Variants in NIM1K observed in about 807,000 individuals in gnomAD.
NIM1K encodes serine/threonine-protein kinase NIM1.
A neutral mutation model predicts 37.1 loss-of-function variants in NIM1K; 35 were observed. The ratio of observed to expected loss-of-function variants is 0.94; its 90% CI spans 0.72 to 1.25. NIM1K has a LOEUF of 1.25. Ranked by LOEUF, NIM1K falls within the 50% of genes most tolerant of loss-of-function variation. NIM1K has a pLI of 0.00. For missense variants in NIM1K, 564 were observed against 548.0 expected (o/e 1.03, Z -0.29); for synonymous variants, 234 against 206.6 (o/e 1.13, Z -1.14).
At chr5:43,216,762 G>C (rs927033274) in intron 1 of NIM1K, among the ~76,000 whole-genome samples, 4 of 152,164 alleles carry the variant, frequency 2.6e-5, no homozygotes, top group Non-Finnish European at 1.5e-5. Context: ...GGAGATAGTT[G>C]TTGAGAATGT....
intron 1 of NIM1K, among the ~76,000 whole-genome samples, chr5:43,203,023 T>C (rs2444779): frequency 0.29 from 44,781 of 151,962 alleles, 7,232 homozygotes; most frequent in East Asian, 0.67. Context: ...AGCCTTTCGA[T>C]GACTGTTTTG....
chr5:43,217,691 A>C (rs1015715758), intron 1 of NIM1K, among the ~76,000 whole-genome samples: 1 of 143,716 alleles, frequency 7.0e-6, no homozygotes, highest in South Asian at 2.2e-4. Flanking sequence ...AGAAATGTCT[A>C]TTCAGATCCT....
At chr5:43,277,364 C>T (rs760861501) in intron 3 of NIM1K, 39 bp downstream of exon 3, 2 of 1,588,874 alleles carry the variant, frequency 1.3e-6, no homozygotes, top group African/African-American at 1.3e-5. Context: ...GCTCCCATTG[C>T]ACTGACACTG....
chr5:43,246,181 C>T, intron 2 of NIM1K, 114 bp downstream of exon 2: 2 of 827,174 alleles, frequency 2.4e-6, no homozygotes, highest in Non-Finnish European at 3.7e-6. Flanking sequence ...AGAGCCCCTG[C>T]AAGGCCCACA....
intron 1 of NIM1K, among the ~76,000 whole-genome samples, chr5:43,227,126 C>T (rs1165728411): frequency 2.6e-5 from 4 of 152,070 alleles, no homozygotes; most frequent in African/African-American, 4.8e-5. Context: ...TTTGAGAGGC[C>T]GAGGAAGGCG....
intron 1 of NIM1K, among the ~76,000 whole-genome samples, chr5:43,217,868 T>C (rs546703106): frequency 6.6e-6 from 1 of 152,070 alleles, no homozygotes; most frequent in African/African-American, 2.4e-5. Context: ...TGTGCCACCA[T>C]GACTGGCTAA....
At chr5:43,213,178 TTTC>T in intron 1 of NIM1K, among the ~76,000 whole-genome samples, 1 of 75,474 alleles carries the variant, frequency 1.3e-5, no homozygotes, top group Non-Finnish European at 2.9e-5. Context: ...TCTTTCTTTC[TTTC>T]TTTCTTTCTT....
chr5:43,254,241 A>G (rs529076403), intron 2 of NIM1K, among the ~76,000 whole-genome samples: 2 of 152,326 alleles, frequency 1.3e-5, no homozygotes, highest in East Asian at 3.9e-4. Context: ...GGAAGAATTG[A>G]CGATGACTCC....
chr5:43,243,321 T>C (rs1752730978), intron 1 of NIM1K, among the ~76,000 whole-genome samples: 1 of 152,240 alleles, frequency 6.6e-6, no homozygotes, highest in East Asian at 1.9e-4. Context: ...TAGTCTGTCA[T>C]AAGCTGCATG....
chr5:43,193,373 C>T (rs1751862028), intron 1 of NIM1K: 1 of 150,338 alleles, frequency 6.7e-6, no homozygotes, highest in Admixed American at 6.7e-5. Context: ...CTCCCTTTCT[C>T]CCTTTCTCCT....
chr5:43,207,781 G>A, intron 1 of NIM1K: 1 of 441,172 alleles, frequency 2.3e-6, no homozygotes, highest in East Asian at 5.2e-5. Context: ...TGTGGGTATT[G>A]TACACTCTTT....
At chr5:43,206,600 G>A in intron 1 of NIM1K, 1 of 606,046 alleles carries the variant, frequency 1.7e-6, no homozygotes, top group East Asian at 3.0e-5. Context: ...ACGAGCAAGT[G>A]CTAGTCCTGG....
At chr5:43,259,016 T>C (rs936163998) in intron 2 of NIM1K, among the ~76,000 whole-genome samples, 5 of 152,110 alleles carry the variant, frequency 3.3e-5, no homozygotes, top group African/African-American at 1.2e-4. Flanking sequence ...AGTATTTGAT[T>C]TTCCATTCCT....
At chr5:43,249,420 C>A (rs758767572) in intron 2 of NIM1K, among the ~76,000 whole-genome samples, 1 of 152,116 alleles carries the variant, frequency 6.6e-6, no homozygotes. Context: ...AACACCTGCA[C>A]GACACACCCA....
chr5:43,235,779 AG>A (rs1752612141), intron 1 of NIM1K, among the ~76,000 whole-genome samples: 1 of 152,050 alleles, frequency 6.6e-6, no homozygotes, highest in Admixed American at 6.5e-5. Context: ...AATATCTAAG[AG>A]GGGTATAATG....
At position 43,199,205 on chromosome 5, in the gene NIM1K, ATATATATATATATAT is replaced by A. The variant is rs1352260381; in HGVS notation, c.-695+6795_-695+6809del. Among the ~76,000 whole-genome samples the A allele has an allele frequency of 3.4e-4, 20 of 59,492 alleles. 2 individuals are homozygous for A. The highest frequency in any genetic ancestry group is 1.2e-3 in the Admixed American group (4 of 3,322). 39.0% of individuals were successfully genotyped at this position (59,492 alleles called of 152,430 possible). On this transcript the variant is annotated intron_variant, in intron 1 of 3. Coordinates refer to ENST00000326035, the MANE Select transcript of NIM1K (RefSeq NM_153361.4). The stretch of plus-strand genomic sequence containing the variant: ...CTCTGTCTCCAAAAAAAAAAAAAAA[ATATATATATATATAT>A]ATATATATATATATATATGAAAAAT...
chr5:43,245,836 C>G lies in NIM1K; in HGVS notation c.61C>G (p.Arg21Gly), dbSNP rs55664335. The G allele has an allele frequency of 1.7e-5, 27 of 1,613,466 alleles. No homozygotes were observed. The highest frequency in any genetic ancestry group is 2.7e-5 in the African/African-American group (2 of 74,862). The change falls in exon 2 of 4, where the codon CGG becomes GGG. Residue 21 changes from arginine to glycine, a missense_variant. By Grantham distance (125) the Arg-to-Gly change is moderately radical. Coordinates refer to ENST00000326035, the MANE Select transcript of NIM1K (RefSeq NM_153361.4). ...LVNPHYARWDRRDSVESGCQT... is the reference protein window; with the variant it reads ...LVNPHYARWDGRDSVESGCQT... ...GAACCCCCACTATGCCCGGTGGGAT[C>G]GGCGCGACAGTGTAGAAAGTGGCTG... is the stretch of plus-strand genomic sequence containing the variant.
chr5:43,226,390 G>C (rs1490249659), intron 1 of NIM1K, among the ~76,000 whole-genome samples: 1 of 152,198 alleles, frequency 6.6e-6, no homozygotes, highest in Non-Finnish European at 1.5e-5. Context: ...GATGGTAAAT[G>C]ACTGTGTTCT....
chr5:43,202,806 A>G (rs573390115), intron 1 of NIM1K, among the ~76,000 whole-genome samples: 199 of 152,296 alleles, frequency 1.3e-3, no homozygotes, highest in African/African-American at 4.6e-3. Context: ...GGATAAAAAT[A>G]CTTGTTTTAT....
Sources: allele counts gnomAD v4.1 joint callset (sites outside exome capture counted in the v4.1 genomes callset), GRCh38; gene constraint gnomAD v4.1.1; transcripts MANE v1.5; gene names NCBI Gene and HGNC (gene_info 2026-07-23, HGNC 2026-07-21).